REXO1: variants seen among roughly 807,000 people sequenced by gnomAD.
The protein encoded by REXO1 is RNA exonuclease 1 homolog, also known as REX1, RNA exonuclease 1 homolog.
In REXO1, 42 loss-of-function variants were observed where a neutral mutation model predicts 102.6. The ratio of observed to expected loss-of-function variants is 0.41; its 90% CI spans 0.32 to 0.53. The LOEUF (loss-of-function observed/expected upper bound fraction) is 0.53. REXO1 is among the 20% of genes least tolerant of loss of function. The pLI is 0.27. For missense variants in REXO1, 1,819 were observed against 1,732.5 expected (o/e 1.05, Z -0.89); for synonymous variants, 908 against 779.1 (o/e 1.17, Z -2.76).
At position 1,816,485 on chromosome 19, in the gene REXO1, G is replaced by A. The variant is rs1353647778; in HGVS notation, c.3402C>T (p.Ser1134=). Residue 1134 remains serine, a synonymous_variant, in exon 14 of 16, where the codon AGC becomes AGT. Coordinates refer to ENST00000170168, the MANE Select transcript of REXO1 (RefSeq NM_020695.4). The part of the protein sequence containing the change: ...DVQAVLLSMF[S]ADTILIGHSL... ...TGTGTCCGATGAGGATGGTGTCAGCGCTGAACATGCTCAGCAGAACGGCCT... is the reference window on the plus strand; with the variant it reads ...TGTGTCCGATGAGGATGGTGTCAGCACTGAACATGCTCAGCAGAACGGCCT... 18 of 1,612,446 alleles carry A rather than the reference G, an allele frequency of 1.1e-5. No homozygotes were observed. Among genetic ancestry groups the A allele is most frequent in the Admixed American group, 1.7e-5 (1 of 60,002 alleles).
In REXO1 at chr19:1,828,587, C is replaced by CGGG. The variant is rs759731898; in HGVS notation, c.199_201dup (p.Pro67dup). ...CCCAGGGTGCCATTCTCCCTCTGCG[C>CGGG]GGGGGGCTTGGGCAGCTCAGGGTTG... On this transcript the variant is annotated inframe_insertion, in exon 2 of 16. Transcript: ENST00000170168. The CGGG allele has an allele frequency of 8.1e-6, 13 of 1,603,330 alleles. No individual in the cohort carries two copies. The highest frequency in any genetic ancestry group is 1.1e-5 in the Non-Finnish European group (13 of 1,179,820).
chr19:1,820,136 C>T (rs368906952), intron 6 of REXO1, 79 bp from the exon 7 acceptor site: 23 of 1,566,858 alleles, frequency 1.5e-5, no homozygotes, highest in African/African-American at 2.8e-5. Context: ...GCCATGGGGT[C>T]GGGGACTTGC....
Position 1,827,037 on chromosome 19 carries a change from G to A in REXO1, c.1752C>T (p.Ser584=). Residue 584 remains serine, a synonymous_variant, in exon 2 of 16, where the codon TCC becomes TCT. Transcript: ENST00000170168. The part of the protein sequence containing the change: ...PPPSPAPSSS[S]SSSSSTSSAG... ...CGCTGGAGGTGGAGGAGGAGGAGGA[G>A]GAGGAGGAGGATGGGGCGGGGGAGG... is the stretch of plus-strand genomic sequence containing the variant. 1 of 1,390,090 alleles carries A rather than the reference G, an allele frequency of 7.2e-7. No homozygotes were observed. The highest frequency in any genetic ancestry group is 1.0e-6 in the Non-Finnish European group (1 of 1,004,342). The allele number at this position is 1,390,090 out of a possible 1,614,324, so 86.1% of individuals were successfully genotyped here.
At chr19:1,835,239 G>A (rs116777710) in intron 1 of REXO1, among the ~76,000 whole-genome samples, 175 of 152,224 alleles carry the variant, frequency 1.1e-3, no homozygotes, top group African/African-American at 4.1e-3. Flanking sequence ...CACCCAGGGG[G>A]TCACATCTAA....
chr19:1,828,691 G>A (rs2069821236), intron 1 of REXO1, 60 bp from the exon 2 acceptor site: 3 of 1,503,580 alleles, frequency 2.0e-6, no homozygotes, highest in South Asian at 1.2e-5. Context: ...CGCAGCATGG[G>A]GGCGGCCCCG....
At position 1,839,772 on chromosome 19, in the gene REXO1, G is replaced by A. The variant is rs774337450; in HGVS notation, c.157+8430C>T. ...GTCCACTTCCTCCAGGCAGCCCTCC[G>A]AAGTCCTCCCTGCAGAAGCAGCAGT... On this transcript the variant is annotated intron_variant, in intron 1 of 15. Coordinates refer to ENST00000170168, the MANE Select transcript of REXO1 (RefSeq NM_020695.4). Among the ~76,000 whole-genome samples, 17 of 152,338 alleles carry A rather than the reference G, an allele frequency of 1.1e-4. 2 individuals are homozygous for A. The highest frequency in any genetic ancestry group is 4.1e-4 in the African/African-American group (17 of 41,580).
chr19:1,816,867 C>CCCCTT (rs2069382099), intron 12 of REXO1, 54 bp from the exon 13 acceptor site: 1 of 1,341,630 alleles, frequency 7.5e-7, no homozygotes. Context: ...CTCCCTCCCT[C>CCCCTT]CCCTTCCCTG....
intron 1 of REXO1, among the ~76,000 whole-genome samples, chr19:1,839,721 C>T (rs1012699072): frequency 2.6e-5 from 4 of 152,254 alleles, no homozygotes; most frequent in Non-Finnish European, 4.4e-5. Flanking sequence ...AGGGCCCTCC[C>T]TCTCTGTCTC....
chr19:1,818,408 C>T lies in REXO1; in HGVS notation c.3016+74G>A, dbSNP rs1191774159. The T allele has an allele frequency of 4.3e-6, 5 of 1,153,896 alleles. No homozygotes were observed. The East Asian group carries it at 1.3e-4, about 30-fold the overall frequency. 71.5% of individuals were successfully genotyped at this position (1,153,896 alleles called of 1,614,324 possible). On this transcript the variant is annotated intron_variant, in intron 10 of 15. Transcript: ENST00000170168. Reference sequence around the variant, plus strand: ...GCCTGGGTAAAGCCTTACCCCAGTTCTGGGGGCCTCAAGGGAGGGCCCAGG... The same window carrying T: ...GCCTGGGTAAAGCCTTACCCCAGTTTTGGGGGCCTCAAGGGAGGGCCCAGG...
At position 1,827,474 on chromosome 19, in the gene REXO1, A is replaced by C; in HGVS notation, c.1315T>G (p.Ser439Ala). Residue 439 changes from serine (S) to alanine (A), a missense_variant, in exon 2 of 16, where the codon TCG becomes GCG. By Grantham distance (99) the Ser-to-Ala change is moderately conservative. Transcript: ENST00000170168. ...RPEGTKKKPS[S>A]ATPVATSGKG... ...CCTGAGGTGGCCACAGGAGTGGCCG[A>C]AGATGGCTTCTTCTTGGTCCCTTCC... 6.4e-7 allele frequency: 1 copy of C among 1,573,352 alleles called. No individual in the cohort carries two copies. Among genetic ancestry groups the C allele is most frequent in the Non-Finnish European group, 8.5e-7 (1 of 1,170,338 alleles).
At position 1,826,985 on chromosome 19, in the gene REXO1, G is replaced by A. The variant is rs1379205015; in HGVS notation, c.1804C>T (p.Leu602=). 8 of 1,561,886 alleles carry A rather than the reference G, an allele frequency of 5.1e-6. No homozygotes were observed. Among genetic ancestry groups the A allele is most frequent in the African/African-American group, 1.4e-5 (1 of 73,418 alleles). ...SAGADVDYSA[L]EKEVDFDSDP... ...GAGTCAAAGTCCACCTCCTTCTCCAGGGCCGAGTAGTCCACATCCGCCCCC... is the reference window on the plus strand; with the variant it reads ...GAGTCAAAGTCCACCTCCTTCTCCAAGGCCGAGTAGTCCACATCCGCCCCC... The change falls in exon 2 of 16, where the codon CTG becomes TTG. Residue 602 remains leucine, a synonymous_variant. Transcript: ENST00000170168. This position sits in a 1 kb window ranked among gnomAD's most constrained non-coding sequence, Gnocchi z 4.3.
Position 1,839,348 on chromosome 19 carries a change from A to G in REXO1, c.157+8854T>C, listed in dbSNP as rs369933467. 2.5e-3 allele frequency among the ~76,000 whole-genome samples: 377 copies of G among 151,468 alleles called. 2 individuals are homozygous for G. The highest frequency in any genetic ancestry group is 8.4e-3 in the African/African-American group (346 of 41,202). ...ACATTTCCCAGTGGGTGTTTCTGGGACTCCTGTGCTCCCCGTCAGGCACAG... is the reference window on the plus strand; with the variant it reads ...ACATTTCCCAGTGGGTGTTTCTGGGGCTCCTGTGCTCCCCGTCAGGCACAG... On this transcript the variant is annotated intron_variant, in intron 1 of 15. Transcript: ENST00000170168.
rs758364033 is a variant in REXO1 at position 1,828,680 on chromosome 19, C to T, written c.158-49G>A. On this transcript the variant is annotated intron_variant, in intron 1 of 15. Transcript: ENST00000170168. ...TGTGACCAGCCTGCCGGAGAGGAGC[C>T]CGCAGCATGGGGGCGGCCCCGGTCT... 4.6e-5 allele frequency: 70 copies of T among 1,537,702 alleles called. No individual in the cohort carries two copies. In the African/African-American group the frequency reaches 8.9e-4, roughly 19 times the overall value.
intron 1 of REXO1, among the ~76,000 whole-genome samples, chr19:1,846,450 T>C (rs574410409): frequency 2.0e-5 from 3 of 152,182 alleles, no homozygotes; most frequent in East Asian, 1.9e-4. Flanking sequence ...AAAAGGGAAA[T>C]GCAGACACGC....
rs748945111 is a variant in REXO1, at chr19:1,816,525, G to C, written c.3362C>G (p.Thr1121Arg). ...CAGAACGGCCTGGACGTCACGCAGC[G>C]TGACACTTGTGTCGGCAAGGTCAGC... Reference protein sequence around the residue: ...TEADLADTSVTLRDVQAVLLS... With the variant: ...TEADLADTSVRLRDVQAVLLS... Residue 1121 changes from threonine (T) to arginine (R), a missense_variant, in exon 14 of 16, where the codon ACG becomes AGG. Transcript: ENST00000170168. 6.2e-7 allele frequency: 1 copy of C among 1,611,848 alleles called. No individual in the cohort carries two copies. Among genetic ancestry groups the C allele is most frequent in the Non-Finnish European group, 8.5e-7 (1 of 1,179,414 alleles).
intron 1 of REXO1, among the ~76,000 whole-genome samples, chr19:1,838,677 A>T (rs948570169): frequency 6.6e-6 from 1 of 151,842 alleles, no homozygotes; most frequent in Non-Finnish European, 1.5e-5. Context: ...AAAAAAAAAA[A>T]AACTGAAACA....
At position 1,815,412 on chromosome 19, in the gene REXO1, G is replaced by A. The variant is rs1276642922; in HGVS notation, c.*654C>T. 1 of 166,224 alleles carries A rather than the reference G, an allele frequency of 6.0e-6. No homozygotes were observed. The highest frequency in any genetic ancestry group is 1.3e-5 in the Non-Finnish European group (1 of 76,552). The allele number at this position is 166,224 out of a possible 1,614,324, so 10.3% of individuals were successfully genotyped here. On this transcript the variant is annotated 3_prime_UTR_variant, in exon 16 of 16. Transcript: ENST00000170168. This position sits in a 1 kb window ranked among gnomAD's most constrained non-coding sequence, Gnocchi z 4.0. ...CTGGGGCTAACGAGGGGCCAGCTGG[G>A]TTCTCAGAGGTCACGGAGTGCAGGG...
rs2069540743 is a variant in REXO1 at position 1,821,539 on chromosome 19, C to T, written c.2374G>A (p.Ala792Thr). The change falls in exon 5 of 16, where the codon GCC (alanine) becomes ACC (threonine). Residue 792 changes from alanine (A) to threonine (T), a missense_variant. Physicochemically the swap from Ala to Thr is moderately conservative, Grantham distance 58 (BLOSUM62 0). Coordinates refer to ENST00000170168, the MANE Select transcript of REXO1 (RefSeq NM_020695.4). ...TTTTIIPKRI[A>T]HSPSLQSLKK... Reference sequence around the variant, plus strand: ...GCTACCTGTAAGGATGGACTGTGGGCGATTCGCTTAGGGATGATGGTGGTG... The same window carrying T: ...GCTACCTGTAAGGATGGACTGTGGGTGATTCGCTTAGGGATGATGGTGGTG... 2.5e-6 allele frequency: 4 copies of T among 1,613,462 alleles called. No homozygotes were observed. The highest frequency in any genetic ancestry group is 1.7e-5 in the Admixed American group (1 of 59,960).
chr19:1,824,254 G>A (rs1339921806), intron 3 of REXO1: 1 of 153,650 alleles, frequency 6.5e-6, no homozygotes, highest in East Asian at 1.9e-4. Flanking sequence ...GGCTACAGAG[G>A]ACACTGGAGC....
Sources: gnomAD v4.1 joint callset for allele counts (sites outside exome capture counted in the v4.1 genomes callset) on GRCh38, gnomAD v4.1.1 for gene constraint, Gnocchi (gnomAD v3.1) non-coding constraint, MANE v1.5 for transcripts, NCBI Gene and HGNC (gene_info 2026-07-23, HGNC 2026-07-21) for gene names.